The following RUNX1 variants were observed in gnomAD, a reference collection of about 807,000 sequenced individuals.
RUNX1 encodes runt-related transcription factor 1.
Under a neutral mutation model 42.8 loss-of-function variants are expected in RUNX1, and 19 were observed. The ratio of observed to expected loss-of-function variants is 0.44; its 90% CI spans 0.31 to 0.65. The LOEUF (loss-of-function observed/expected upper bound fraction) is 0.65, where lower values mean the gene tolerates loss of function less well. Ranked by LOEUF, RUNX1 falls within the 30% of genes least tolerant of loss-of-function variation. The pLI is 0.07. For missense variants in RUNX1, 528 were observed against 672.0 expected (o/e 0.79, Z 2.37); for synonymous variants, 271 against 289.4 (o/e 0.94, Z 0.64).
intron 2 of RUNX1, among the ~76,000 whole-genome samples, chr21:34,919,533 A>G (rs1347619892): frequency 6.6e-6 from 1 of 152,170 alleles, no homozygotes; most frequent in Non-Finnish European, 1.5e-5. Context: ...TTTTGCTGCA[A>G]TAAGTCTGGG....
intron 7 of RUNX1, among the ~76,000 whole-genome samples, chr21:34,804,941 C>A (rs935177116): frequency 2.0e-5 from 3 of 151,856 alleles, no homozygotes; most frequent in Admixed American, 2.0e-4. Flanking sequence ...TTGGTAGAGA[C>A]AGGGTTTCAC....
intron 2 of RUNX1, among the ~76,000 whole-genome samples, chr21:34,905,817 T>C (rs1371930500): frequency 6.6e-6 from 1 of 152,172 alleles, no homozygotes; most frequent in Non-Finnish European, 1.5e-5. Context: ...ATCTAGAAAA[T>C]GCTGGATCAT....
intron 7 of RUNX1, among the ~76,000 whole-genome samples, chr21:34,813,723 C>A (rs988670318): frequency 1.3e-5 from 2 of 152,048 alleles, no homozygotes; most frequent in Non-Finnish European, 2.9e-5. Flanking sequence ...GCTTCCTGGG[C>A]ATGAGTCACA....
intron 6 of RUNX1, among the ~76,000 whole-genome samples, chr21:34,855,533 C>T (rs958011708): frequency 2.6e-5 from 4 of 152,066 alleles, no homozygotes; most frequent in South Asian, 2.1e-4. Context: ...GGTGAAACCC[C>T]GTCTCTACTA....
At chr21:35,029,761 C>A (rs2059260607) in intron 2 of RUNX1, among the ~76,000 whole-genome samples, 1 of 152,172 alleles carries the variant, frequency 6.6e-6, no homozygotes, top group Non-Finnish European at 1.5e-5. Flanking sequence ...TTCTATTGGT[C>A]ACCTGGCACC....
In RUNX1 at chr21:34,788,562, T is replaced by C. The variant is rs2056397467; in HGVS notation, c.*3573A>G. 4.3e-6 allele frequency: 1 copy of C among 232,904 alleles called. No individual in the cohort carries two copies. 14.4% of individuals were successfully genotyped at this position (232,904 alleles called of 1,614,324 possible). A position where few individuals can be genotyped will look rare whatever the true frequency, so the allele number is the denominator to read the frequency against. On this transcript the variant is annotated 3_prime_UTR_variant, in exon 9 of 9. Transcript: ENST00000675419. ...TCCTTAGAAACACACACAAAAAAAT[T>C]GAAAAAAAGTTATAGGCATTAACAA...
intron 7 of RUNX1, among the ~76,000 whole-genome samples, chr21:34,815,164 G>C (rs2056808614): frequency 6.6e-6 from 1 of 152,168 alleles, no homozygotes; most frequent in Non-Finnish European, 1.5e-5. Flanking sequence ...GAACAGAGGT[G>C]GAGGGAAGAG....
chr21:34,812,583 C>T (rs1463848431), intron 7 of RUNX1, among the ~76,000 whole-genome samples: 3 of 152,130 alleles, frequency 2.0e-5, no homozygotes, highest in Non-Finnish European at 4.4e-5. Context: ...ACACAGATCT[C>T]GATTTAAAAA....
chr21:34,878,838 G>A lies in RUNX1; in HGVS notation c.508+1719C>T, dbSNP rs140047397. Among the ~76,000 whole-genome samples the A allele has an allele frequency of 1.5e-3, 221 of 152,288 alleles. 2 individuals are homozygous for A. The highest frequency in any genetic ancestry group is 7.6e-4 in the Non-Finnish European group (52 of 68,028). On this transcript the variant is annotated intron_variant, in intron 5 of 8. Transcript: ENST00000675419. ...TATTATCACTGGTTTACTGTGCATT[G>A]CCGGAAAGCCACTACTGAACTTCTT...
chr21:34,874,591 CAA>C (rs1352508306), intron 5 of RUNX1, among the ~76,000 whole-genome samples: 1 of 90,180 alleles, frequency 1.1e-5, no homozygotes, highest in Non-Finnish European at 1.9e-5. Context: ...GCCTAGGCAA[CAA>C]GAGGGAAACT....
intron 7 of RUNX1, among the ~76,000 whole-genome samples, chr21:34,827,387 G>A (rs1013844504): frequency 3.3e-5 from 5 of 152,178 alleles, no homozygotes; most frequent in African/African-American, 4.8e-5. Context: ...GGAAAGATTT[G>A]GAAAATTCGC....
rs190226109 is a variant in RUNX1 at position 34,920,621 on chromosome 21, C to T, written c.59-27658G>A. On this transcript the variant is annotated intron_variant, in intron 2 of 8. Transcript: ENST00000675419. ...AGATTGTTAAGGAACTTTTCAGTTC[C>T]TTACATAAAACCTAGAGTTAAAAAC... Among the ~76,000 whole-genome samples, 10 of 152,224 alleles carry T rather than the reference C, an allele frequency of 6.6e-5. No homozygotes were observed. The East Asian group carries it at 1.9e-3, about 29-fold the overall frequency.
chr21:34,791,461 A>C lies in RUNX1; in HGVS notation c.*674T>G, dbSNP rs1355586986. On this transcript the variant is annotated 3_prime_UTR_variant, in exon 9 of 9. Coordinates refer to ENST00000675419, the MANE Select transcript of RUNX1 (RefSeq NM_001754.5). ...AAAAAACAAAACAAAACAAAAAAAAACAACTACCCAAAAGTCCAAAAGAAA... is the reference window on the plus strand; with the variant it reads ...AAAAAACAAAACAAAACAAAAAAAACCAACTACCCAAAAGTCCAAAAGAAA... 1 of 232,588 alleles carries C rather than the reference A, an allele frequency of 4.3e-6. No homozygotes were observed. Among genetic ancestry groups the C allele is most frequent in the African/African-American group, 2.2e-5 (1 of 45,250 alleles). The allele number at this position is 232,588 out of a possible 1,614,324, so 14.4% of individuals were successfully genotyped here. A position where few individuals can be genotyped will look rare whatever the true frequency, so the allele number is the denominator to read the frequency against.
chr21:34,804,381 A>C (rs899232977), intron 7 of RUNX1, among the ~76,000 whole-genome samples: 3 of 152,226 alleles, frequency 2.0e-5, no homozygotes, highest in Non-Finnish European at 4.4e-5. Flanking sequence ...AGAGAAGCTC[A>C]CAGATGACAT....
intron 2 of RUNX1, among the ~76,000 whole-genome samples, chr21:35,035,695 C>G (rs996966799): frequency 6.6e-6 from 1 of 152,138 alleles, no homozygotes; most frequent in Non-Finnish European, 1.5e-5. Context: ...GAATTGTTCA[C>G]GACAACAGTG....
intron 2 of RUNX1, among the ~76,000 whole-genome samples, chr21:34,972,189 T>A (rs1403647821): frequency 1.3e-5 from 2 of 152,336 alleles, no homozygotes; most frequent in African/African-American, 4.8e-5. Flanking sequence ...AGATGACTCC[T>A]AAAATATTGA....
chr21:34,898,726 C>T (rs2058149901), intron 2 of RUNX1, among the ~76,000 whole-genome samples: 1 of 152,108 alleles, frequency 6.6e-6, no homozygotes, highest in Non-Finnish European at 1.5e-5. Flanking sequence ...CCTTTAAATT[C>T]CCTAGGCAGC....
At chr21:34,915,307 G>A (rs897749345) in intron 2 of RUNX1, among the ~76,000 whole-genome samples, 10 of 152,214 alleles carry the variant, frequency 6.6e-5, no homozygotes, top group Admixed American at 1.3e-4. Context: ...TAATGACTAT[G>A]TGGAGACAAG....
At chr21:35,023,373 CAT>C (rs1329222965) in intron 2 of RUNX1, among the ~76,000 whole-genome samples, 1 of 152,210 alleles carries the variant, frequency 6.6e-6, no homozygotes, top group East Asian at 1.9e-4. Context: ...ACTCGAAGCC[CAT>C]ATGTCATTGC....
Sources: allele counts gnomAD v4.1 joint callset (sites outside exome capture counted in the v4.1 genomes callset), GRCh38; gene constraint gnomAD v4.1.1; transcripts MANE v1.5; gene names NCBI Gene and HGNC (gene_info 2026-07-23, HGNC 2026-07-21).